KIF16B: variants seen among roughly 807,000 people sequenced by gnomAD.
KIF16B encodes kinesin-like protein KIF16B.
In KIF16B, 98 loss-of-function variants were observed where a neutral mutation model predicts 156.3. The observed-to-expected ratio is 0.63, with a 90% CI of 0.53 to 0.74. The LOEUF (loss-of-function observed/expected upper bound fraction) is 0.74, where lower values mean the gene tolerates loss of function less well. Among genes scored for constraint, KIF16B ranks in the 30% least tolerant of loss-of-function variants. The pLI, the probability that KIF16B is intolerant of heterozygous loss-of-function variation, is 0.00. For missense variants in KIF16B, 1,421 were observed against 1,606.5 expected, an observed-to-expected ratio of 0.88 and a Z score of 1.97; for synonymous variants, 564 against 583.7, an observed-to-expected ratio of 0.97 and a Z score of 0.49.
At chr20:16,493,333 T>A (rs941063988) in intron 12 of KIF16B, among the ~76,000 whole-genome samples, 1 of 152,204 alleles carries the variant, frequency 6.6e-6, no homozygotes, top group Non-Finnish European at 1.5e-5. Flanking sequence ...GCCTGCATTC[T>A]GAAACAGTTG....
At chr20:16,511,093 A>T (rs1417959853) in intron 6 of KIF16B, among the ~76,000 whole-genome samples, 3 of 152,230 alleles carry the variant, frequency 2.0e-5, no homozygotes, top group Non-Finnish European at 2.9e-5. Flanking sequence ...GTCAGTAAAG[A>T]TACACTGCAA....
rs547494075 is a variant in KIF16B, at chr20:16,538,954, T to C, written c.48-10514A>G. On this transcript the variant is annotated intron_variant, in intron 1 of 25. Coordinates refer to ENST00000354981, the MANE Select transcript of KIF16B (RefSeq NM_024704.5). ...CTCCATTCTCACTATGTGATGTGCCTGCTCCCACTTTACCTTCAGCCATGA... is the reference window on the plus strand; with the variant it reads ...CTCCATTCTCACTATGTGATGTGCCCGCTCCCACTTTACCTTCAGCCATGA... 3.9e-5 allele frequency among the ~76,000 whole-genome samples: 6 copies of C among 152,252 alleles called. No homozygotes were observed. The South Asian group carries it at 1.2e-3, about 32-fold the overall frequency.
chr20:16,335,828 G>C (rs576124785), intron 24 of KIF16B, 98 bp downstream of exon 24: 1 of 709,536 alleles, frequency 1.4e-6, no homozygotes, highest in African/African-American at 1.8e-5. Context: ...GTATCTGAAA[G>C]AGAGAGACAG....
rs1345910626 is a variant in KIF16B at position 16,356,382 on chromosome 20, C to T, written c.3569G>A (p.Arg1190His). The T allele has an allele frequency of 5.0e-6, 8 of 1,614,014 alleles. No individual in the cohort carries two copies. Among genetic ancestry groups the T allele is most frequent in the African/African-American group, 2.7e-5 (2 of 74,938 alleles). Residue 1190 changes from arginine to histidine, a missense_variant, in exon 23 of 26, where the codon CGC becomes CAC. Coordinates refer to ENST00000354981, the MANE Select transcript of KIF16B (RefSeq NM_024704.5). ...LKDPIKISIP[R>H]YVLCGQGKDA... ...CTTTCCTTGCCCGCAGAGGACGTAGCGTGGGATACTAATTTTAATTGGGTC... is the reference window on the plus strand; with the variant it reads ...CTTTCCTTGCCCGCAGAGGACGTAGTGTGGGATACTAATTTTAATTGGGTC...
intron 12 of KIF16B, among the ~76,000 whole-genome samples, chr20:16,433,301 C>G (rs949148323): frequency 6.6e-6 from 1 of 152,054 alleles, no homozygotes; most frequent in East Asian, 1.9e-4. Context: ...TGACCATTCT[C>G]GTAAGTCCAC....
chr20:16,387,430 T>C (rs554675300), intron 17 of KIF16B, among the ~76,000 whole-genome samples: 17 of 152,268 alleles, frequency 1.1e-4, no homozygotes, highest in East Asian at 5.8e-4. Flanking sequence ...AAGGATCATC[T>C]GATGATCTGG....
At chr20:16,557,879 A>G (rs1344660584) in intron 1 of KIF16B, among the ~76,000 whole-genome samples, 2 of 152,206 alleles carry the variant, frequency 1.3e-5, no homozygotes, top group South Asian at 2.1e-4. Context: ...CACTTGGTAC[A>G]CGCCAAGCAC....
chr20:16,370,678 A>C, intron 21 of KIF16B, 42 bp from the exon 22 acceptor site: 2 of 1,471,378 alleles, frequency 1.4e-6, no homozygotes, highest in Non-Finnish European at 1.9e-6. Flanking sequence ...AATTATAGCA[A>C]GTTCACGGGG....
At chr20:16,559,446 T>C (rs2070976582) in intron 1 of KIF16B, among the ~76,000 whole-genome samples, 1 of 152,276 alleles carries the variant, frequency 6.6e-6, no homozygotes, top group East Asian at 1.9e-4. Context: ...ACTAAGAATG[T>C]TTCACACAGC....
chr20:16,450,745 G>A lies in KIF16B; in HGVS notation c.1303-20763C>T, dbSNP rs187015395. 1.7e-3 allele frequency among the ~76,000 whole-genome samples: 261 copies of A among 152,282 alleles called. 1 individual carries two copies. Among genetic ancestry groups the A allele is most frequent in the African/African-American group, 5.7e-3 (238 of 41,554 alleles). On this transcript the variant is annotated intron_variant, in intron 12 of 25. Transcript: ENST00000354981. ...TGGTACACTCAACATGCAGTGTCAG[G>A]ATGAGCTGAGCTTTAAGCAAGAAGA...
At chr20:16,385,744 G>A (rs2065215488) in intron 17 of KIF16B, among the ~76,000 whole-genome samples, 1 of 152,144 alleles carries the variant, frequency 6.6e-6, no homozygotes, top group South Asian at 2.1e-4. Flanking sequence ...GCTCAAGGTG[G>A]GAGAGGCCAG....
At chr20:16,322,436 A>C (rs1485637092) in intron 24 of KIF16B, among the ~76,000 whole-genome samples, 1 of 152,014 alleles carries the variant, frequency 6.6e-6, no homozygotes, top group African/African-American at 2.4e-5. Flanking sequence ...AAATCTTATA[A>C]GCTATTTTAT....
Position 16,310,900 on chromosome 20 carries a change from A to G in KIF16B, c.3795+1435T>C, listed in dbSNP as rs188978689. 1.2e-3 allele frequency among the ~76,000 whole-genome samples: 189 copies of G among 152,266 alleles called. 1 individual carries two copies. The highest frequency in any genetic ancestry group is 4.1e-3 in the African/African-American group (170 of 41,550). ...TTTTCTCAGAGTGGTTCTATATTCA[A>G]TATCTCAAAACTCTAAAATGCTCCT... On this transcript the variant is annotated intron_variant, in intron 25 of 25. Coordinates refer to ENST00000354981, the MANE Select transcript of KIF16B (RefSeq NM_024704.5).
chr20:16,494,466 C>T (rs2068389248), intron 11 of KIF16B, 116 bp from the exon 12 acceptor site: 3 of 624,494 alleles, frequency 4.8e-6, no homozygotes, highest in Non-Finnish European at 5.4e-6. Flanking sequence ...TAAATGAGAT[C>T]GCGACTTTTA....
At chr20:16,417,681 A>G (rs2066124295) in intron 15 of KIF16B, among the ~76,000 whole-genome samples, 1 of 152,170 alleles carries the variant, frequency 6.6e-6, no homozygotes, top group South Asian at 2.1e-4. Context: ...CAACAAAGAT[A>G]AGATATAAAG....
At chr20:16,520,500 C>A (rs2069306068) in intron 3 of KIF16B, among the ~76,000 whole-genome samples, 1 of 152,208 alleles carries the variant, frequency 6.6e-6, no homozygotes, top group Non-Finnish European at 1.5e-5. Flanking sequence ...CTGGGCCTGG[C>A]ATCTCTGAAA....
chr20:16,386,676 A>G (rs2065238033), intron 17 of KIF16B, among the ~76,000 whole-genome samples: 1 of 151,852 alleles, frequency 6.6e-6, no homozygotes, highest in Admixed American at 6.6e-5. Context: ...AGAGGCTGGG[A>G]ATATCTGATA....
In KIF16B at chr20:16,319,572, T is replaced by C. The variant is rs112514816; in HGVS notation, c.3712-7154A>G. On this transcript the variant is annotated intron_variant, in intron 24 of 25. Transcript: ENST00000354981. ...ACAGACAGGTGGACACAGAGAATCATAACTCAGCCTGGCACTGAGGCCTGC... is the reference window on the plus strand; with the variant it reads ...ACAGACAGGTGGACACAGAGAATCACAACTCAGCCTGGCACTGAGGCCTGC... Among the ~76,000 whole-genome samples the C allele has an allele frequency of 4.5e-3, 686 of 152,314 alleles. 9 individuals carry two copies. Among genetic ancestry groups the C allele is most frequent in the African/African-American group, 0.016 (649 of 41,564 alleles).
At chr20:16,569,280 A>T (rs1209371081) in intron 1 of KIF16B, among the ~76,000 whole-genome samples, 1 of 152,206 alleles carries the variant, frequency 6.6e-6, no homozygotes, top group Non-Finnish European at 1.5e-5. Flanking sequence ...TCTGTCTCCC[A>T]ATCTGTAAAA....
Sources: gnomAD v4.1 joint callset for allele counts (sites outside exome capture counted in the v4.1 genomes callset) on GRCh38, gnomAD v4.1.1 for gene constraint, MANE v1.5 for transcripts, NCBI Gene and HGNC (gene_info 2026-07-23, HGNC 2026-07-21) for gene names.